Variants in SETD2 observed in about 807,000 individuals in gnomAD.
SETD2 encodes the protein histone-lysine N-methyltransferase SETD2.
SETD2 carries 31 observed loss-of-function variants against 242.1 expected under a neutral mutation model. The observed-to-expected ratio is 0.13, with a 90% CI of 0.10 to 0.17. The LOEUF is 0.17. Ranked by LOEUF, SETD2 falls within the 10% of genes least tolerant of loss-of-function variation. The pLI is 1.00. For missense variants in SETD2, 2,481 were observed against 3,046.3 expected, an observed-to-expected ratio of 0.81 and a Z score of 4.37; for synonymous variants, 1,006 against 1,066.5, an observed-to-expected ratio of 0.94 and a Z score of 1.11.
intron 16 of SETD2, among the ~76,000 whole-genome samples, chr3:47,045,159 G>C (rs182821044): frequency 6.6e-6 from 1 of 151,976 alleles, no homozygotes; most frequent in African/African-American, 2.4e-5. Context: ...AGGCTGAAGC[G>C]GGCGGATCAT....
intron 18 of SETD2, among the ~76,000 whole-genome samples, chr3:47,029,290 T>C (rs574773854): frequency 2.2e-4 from 34 of 151,832 alleles, no homozygotes; most frequent in Non-Finnish European, 3.4e-4. Flanking sequence ...ACTCCTGGGC[T>C]TGAGGGATCC....
intron 1 of SETD2, among the ~76,000 whole-genome samples, chr3:47,158,654 T>C (rs1697389034): frequency 6.6e-6 from 1 of 152,244 alleles, no homozygotes; most frequent in African/African-American, 2.4e-5. Context: ...TAGTAGACTA[T>C]GTTCTCAGTA....
chr3:47,142,636 G>A (rs911621205), intron 1 of SETD2, among the ~76,000 whole-genome samples: 22 of 151,822 alleles, frequency 1.4e-4, no homozygotes, highest in African/African-American at 5.3e-4. Context: ...GTGGTGGGGG[G>A]AGGTGGGGAA....
intron 13 of SETD2, 74 bp downstream of exon 13, chr3:47,066,996 C>G: frequency 1.8e-6 from 2 of 1,095,620 alleles, no homozygotes; most frequent in Non-Finnish European, 2.7e-6. Flanking sequence ...CGCTTAAGTT[C>G]TTATCAGTTA....
rs192144707 is a variant in SETD2, at chr3:47,120,979, C to G, written c.3657G>C (p.Gln1219His). The change falls in exon 3 of 21, where the codon CAG (glutamine) becomes CAC (histidine). Residue 1219 changes from glutamine (Q) to histidine (H), a missense_variant. Physicochemically the swap from Gln to His is conservative, Grantham distance 24 (BLOSUM62 0). Around this residue, in one of 17 missense-constraint regions of SETD2, gnomAD observed 1,300 missense variants for 1,259.2 expected, o/e 1.03. Coordinates refer to ENST00000409792, the MANE Select transcript of SETD2 (RefSeq NM_014159.7). ...TATCTGGCCTGTTTTGGAAAGTGGT[C>G]TGTTGCCAAGACTTATTTGGGACAT... ...FEDVPNKSWQ[Q>H]TTFQNRPDSR... 6.2e-7 allele frequency: 1 copy of G among 1,614,204 alleles called. No homozygotes were observed. Among genetic ancestry groups the G allele is most frequent in the African/African-American group, 1.3e-5 (1 of 75,050 alleles).
rs141027201 is a variant in SETD2, at chr3:47,086,276, T to C, written c.5316A>G (p.Glu1772=). ...TCCACAACAAAGACAGCCCATGACG[T>C]TCCAGAAAGGACTTCAGGCAGGACT... ...HSQSCLKSFL[E]RHGLSLLWIW... Residue 1772 remains glutamate (E), a synonymous_variant, in exon 11 of 21, where the codon GAA becomes GAG. Coordinates refer to ENST00000409792, the MANE Select transcript of SETD2 (RefSeq NM_014159.7). The C allele has an allele frequency of 1.8e-5, 29 of 1,613,022 alleles. No individual in the cohort carries two copies. In the African/African-American group the frequency reaches 3.3e-4, roughly 19 times the overall value.
chr3:47,030,934 C>T lies in SETD2; in HGVS notation c.7350+6732G>A, dbSNP rs1472994119. Among the ~76,000 whole-genome samples the T allele has an allele frequency of 3.3e-5, 5 of 152,242 alleles. No homozygotes were observed. The East Asian group carries it at 9.6e-4, about 29-fold the overall frequency. ...GCTAAAACGAAATGAGCTATCAGGCCATGAAAAGACATGGTGGAAGCCTCA... is the reference window on the plus strand; with the variant it reads ...GCTAAAACGAAATGAGCTATCAGGCTATGAAAAGACATGGTGGAAGCCTCA... On this transcript the variant is annotated intron_variant, in intron 18 of 20. Transcript: ENST00000409792.
intron 8 of SETD2, among the ~76,000 whole-genome samples, chr3:47,099,530 C>T (rs1444854179): frequency 2.0e-5 from 3 of 152,148 alleles, no homozygotes; most frequent in African/African-American, 4.8e-5. Context: ...CTGATATTAG[C>T]GGCCACTAAT....
chr3:47,016,949 T>G lies in SETD2; in HGVS notation c.*144A>C. The G allele has an allele frequency of 3.9e-6, 3 of 761,648 alleles. No individual in the cohort carries two copies. Among genetic ancestry groups the G allele is most frequent in the Admixed American group, 5.2e-5 (2 of 38,318 alleles). The allele number at this position is 761,648 out of a possible 1,614,324, so 47.2% of individuals were successfully genotyped here. On this transcript the variant is annotated 3_prime_UTR_variant, in exon 21 of 21. Transcript: ENST00000409792. Reference sequence around the variant, plus strand: ...GGAGTTCATTTTTGTGGCCTTCAGTTGACATCTGCAGGGTTGAATTCCCCA... The same window carrying G: ...GGAGTTCATTTTTGTGGCCTTCAGTGGACATCTGCAGGGTTGAATTCCCCA...
chr3:47,081,366 C>T (rs1407918583), intron 12 of SETD2, among the ~76,000 whole-genome samples: 1 of 152,184 alleles, frequency 6.6e-6, no homozygotes, highest in Non-Finnish European at 1.5e-5. Flanking sequence ...AACCACATAA[C>T]CACAATCTTA....
In SETD2 at chr3:47,017,193, C is replaced by T. The variant is rs2107485283; in HGVS notation, c.7595G>A (p.Cys2532Tyr). 2 of 1,614,122 alleles carry T rather than the reference C, an allele frequency of 1.2e-6. No homozygotes were observed. The highest frequency in any genetic ancestry group is 1.7e-6 in the Non-Finnish European group (2 of 1,179,992). The part of the protein sequence containing the change: ...KYCKNPEDLE[C>Y]NENVKHKTKE... ...GGTTTTGTGTTTCACATTCTCATTG[C>T]ACTCCAGGTCCTCAGGATTCTTACA... is the stretch of plus-strand genomic sequence containing the variant. The change falls in exon 21 of 21, where the codon TGC becomes TAC. Residue 2532 changes from cysteine (C) to tyrosine (Y), a missense_variant. Around this residue, in one of 17 missense-constraint regions of SETD2, gnomAD observed 29 missense variants for 46.7 expected, o/e 0.62. Coordinates refer to ENST00000409792, the MANE Select transcript of SETD2 (RefSeq NM_014159.7). This position sits in a 1 kb window ranked among gnomAD's most constrained non-coding sequence, Gnocchi z 4.8.
chr3:47,118,468 T>A lies in SETD2; in HGVS notation c.4454+1714A>T, dbSNP rs544533754. On this transcript the variant is annotated intron_variant, in intron 3 of 20. Transcript: ENST00000409792. Reference sequence around the variant, plus strand: ...CAGGCGTGGTAGCTCACGCCTGTAATCCCAGTACTTTGGGAGGCTGAGACG... The same window carrying A: ...CAGGCGTGGTAGCTCACGCCTGTAAACCCAGTACTTTGGGAGGCTGAGACG... Among the ~76,000 whole-genome samples the A allele has an allele frequency of 3.3e-5, 5 of 152,224 alleles. No homozygotes were observed. In the South Asian group the frequency reaches 1.0e-3, roughly 32 times the overall value.
At chr3:47,072,118 C>A (rs924466333) in intron 12 of SETD2, among the ~76,000 whole-genome samples, 2 of 152,000 alleles carry the variant, frequency 1.3e-5, no homozygotes, top group Admixed American at 6.6e-5. Context: ...ACCATCCTGG[C>A]TAACACGGTG....
At chr3:47,043,574 T>C (rs1412698892) in intron 16 of SETD2, among the ~76,000 whole-genome samples, 1 of 152,230 alleles carries the variant, frequency 6.6e-6, no homozygotes, top group East Asian at 1.9e-4. Context: ...GGATATATAC[T>C]TGTTCCTTCT....
chr3:47,105,149 C>A (rs2042359323), intron 6 of SETD2, among the ~76,000 whole-genome samples: 1 of 152,104 alleles, frequency 6.6e-6, no homozygotes, highest in African/African-American at 2.4e-5. Context: ...GTGGCTCACA[C>A]CTATAATACC....
rs1025590485 is a variant in SETD2 at position 47,017,383 on chromosome 3, G to A, written c.7534-129C>T. ...CTCACCAAGACAGGAAGTTAATAAG[G>A]GGGTAGATGTTGGGGCAGGCTGGTG... On this transcript the variant is annotated intron_variant, in intron 20 of 20. Transcript: ENST00000409792. This position sits in a 1 kb window ranked among gnomAD's most constrained non-coding sequence, Gnocchi z 4.8. The A allele has an allele frequency of 8.0e-6, 8 of 1,000,634 alleles. 1 individual carries two copies. Among genetic ancestry groups the A allele is most frequent in the Admixed American group, 2.6e-5 (1 of 38,704 alleles). 62.0% of individuals were successfully genotyped at this position (1,000,634 alleles called of 1,614,324 possible).
At chr3:47,038,599 G>A (rs1024823368) in intron 17 of SETD2, among the ~76,000 whole-genome samples, 1 of 151,706 alleles carries the variant, frequency 6.6e-6, no homozygotes, top group African/African-American at 2.4e-5. Context: ...TGGGCAACAA[G>A]AGTGAAACTC....
intron 13 of SETD2, among the ~76,000 whole-genome samples, chr3:47,063,531 GA>G (rs1337666811): frequency 6.6e-6 from 1 of 152,096 alleles, no homozygotes; most frequent in Admixed American, 6.5e-5. Flanking sequence ...CCTATTCAAA[GA>G]TGGTATTAAT....
intron 4 of SETD2, among the ~76,000 whole-genome samples, chr3:47,114,894 AAAAAG>A (rs2042797820): frequency 6.6e-6 from 1 of 151,294 alleles, no homozygotes. Context: ...AAAAAAAAAA[AAAAAG>A]ACCACTGGAA....
Sources: allele counts gnomAD v4.1 joint callset (sites outside exome capture counted in the v4.1 genomes callset), GRCh38; gene constraint gnomAD v4.1.1; regional missense constraint gnomAD v4.1.1; non-coding constraint Gnocchi (gnomAD v3.1); transcripts MANE v1.5; gene names NCBI Gene and HGNC (gene_info 2026-07-23, HGNC 2026-07-21).